CFAP54: variants seen among roughly 807,000 people sequenced by gnomAD.
The protein encoded by CFAP54 is cilia and flagella associated protein 54.
In CFAP54, 290 loss-of-function variants were observed where a neutral mutation model predicts 370.4. That is an observed-to-expected ratio of 0.78 (90% CI 0.71 to 0.86). The LOEUF (loss-of-function observed/expected upper bound fraction) is 0.86. Ranked by LOEUF, CFAP54 falls within the 40% of genes least tolerant of loss-of-function variation. The probability of loss-of-function intolerance (pLI) is 0.00; values close to 1 mark genes in which losing one functional copy is unlikely to be tolerated. For missense variants in CFAP54, 3,399 were observed against 3,528.7 expected, an observed-to-expected ratio of 0.96 and a Z score of 0.93; for synonymous variants, 1,206 against 1,236.5, an observed-to-expected ratio of 0.98 and a Z score of 0.52.
chr12:96,799,039 C>T (rs1958794415), intron 63 of CFAP54, among the ~76,000 whole-genome samples: 1 of 152,068 alleles, frequency 6.6e-6, no homozygotes, highest in South Asian at 2.1e-4. Flanking sequence ...TATTTATATC[C>T]ATTATCTATA....
At chr12:96,606,398 G>A (rs1221183548) in intron 26 of CFAP54, among the ~76,000 whole-genome samples, 1 of 152,246 alleles carries the variant, frequency 6.6e-6, no homozygotes, top group Non-Finnish European at 1.5e-5. Flanking sequence ...TATAGCCATA[G>A]TCGTGCTTAG....
At chr12:96,631,295 T>C (rs2136476209) in intron 32 of CFAP54, among the ~76,000 whole-genome samples, 1 of 152,034 alleles carries the variant, frequency 6.6e-6, no homozygotes, top group African/African-American at 2.4e-5. Context: ...GTAAAACCTT[T>C]CAAACACAGT....
chr12:96,718,896 G>T (rs1445354165), intron 49 of CFAP54, among the ~76,000 whole-genome samples: 1 of 152,122 alleles, frequency 6.6e-6, no homozygotes, highest in Non-Finnish European at 1.5e-5. Context: ...AAATTAGCTG[G>T]GTGTGATGGC....
chr12:96,791,839 G>A (rs929875602), intron 62 of CFAP54, among the ~76,000 whole-genome samples: 22 of 151,034 alleles, frequency 1.5e-4, no homozygotes, highest in Admixed American at 9.9e-4. Context: ...GGGTTCTGAA[G>A]CATTTTTTTT....
At chr12:96,500,720 A>G in intron 1 of CFAP54, 114 bp from the exon 2 acceptor site, 1 of 605,816 alleles carries the variant, frequency 1.7e-6, no homozygotes, top group Non-Finnish European at 2.8e-6. Context: ...GACATTAACA[A>G]TAAGGCACAT....
chr12:96,644,478 G>C, intron 33 of CFAP54, 70 bp downstream of exon 33: 1 of 1,093,626 alleles, frequency 9.1e-7, no homozygotes, highest in South Asian at 1.5e-5. Context: ...TATGTTCAGA[G>C]CTCCAATGGT....
At chr12:96,643,392 T>C (rs1438536451) in intron 32 of CFAP54, among the ~76,000 whole-genome samples, 2 of 1,360 alleles carry the variant, frequency 1.5e-3, no homozygotes, top group African/African-American at 7.0e-3. Flanking sequence ...TTATTGTATG[T>C]GTGTATGTGT....
intron 64 of CFAP54, among the ~76,000 whole-genome samples, chr12:96,814,890 C>CT (rs779913526): frequency 6.6e-6 from 1 of 152,116 alleles, no homozygotes; most frequent in Non-Finnish European, 1.5e-5. Flanking sequence ...TGAACTCACT[C>CT]TTTTTTTATG....
At chr12:96,754,128 T>C (rs1424381902) in intron 56 of CFAP54, among the ~76,000 whole-genome samples, 3 of 152,208 alleles carry the variant, frequency 2.0e-5, no homozygotes, top group African/African-American at 7.2e-5. Flanking sequence ...TCTTTTATAA[T>C]TGTAATTGAT....
In CFAP54 at chr12:96,639,132, A is replaced by C. The variant is rs551326640; in HGVS notation, c.4317-5046A>C. 2.2e-3 allele frequency among the ~76,000 whole-genome samples: 328 copies of C among 152,306 alleles called. 1 individual carries two copies. Among genetic ancestry groups the C allele is most frequent in the Non-Finnish European group, 3.7e-3 (251 of 68,026 alleles). ...GTCCCAGAGATTCTGGTATCAGTGA[A>C]TCCAGGAGCTGGTTTTTTGAAAAGA... On this transcript the variant is annotated intron_variant, in intron 32 of 67. Coordinates refer to ENST00000524981, the MANE Select transcript of CFAP54 (RefSeq NM_001306084.2).
Position 96,743,779 on chromosome 12 carries a change from CG to C in CFAP54, c.7428del (p.Leu2477Ter). On this transcript the variant is annotated frameshift_variant, in exon 54 of 68. Coordinates refer to ENST00000524981, the MANE Select transcript of CFAP54 (RefSeq NM_001306084.2). LOFTEE classifies it high-confidence loss of function. ...AAATGAATTTATTTCTCCTCAATCA[CG>C]GCTAACCCTGGCAAGAAGCCTAGTT... Reference protein sequence around the residue: ...EGNEFISPQSRLTLARSLVLL... With the variant: ...EGNEFISPQSXLTLARSLVLL... 1 of 1,613,582 alleles carries C rather than the reference CG, an allele frequency of 6.2e-7. No individual in the cohort carries two copies. The highest frequency in any genetic ancestry group is 8.5e-7 in the Non-Finnish European group (1 of 1,179,734).
intron 25 of CFAP54, 89 bp downstream of exon 25, chr12:96,594,535 A>T (rs1956157378): frequency 4.0e-6 from 4 of 1,000,758 alleles, no homozygotes; most frequent in Non-Finnish European, 4.1e-6. Context: ...TGTATCTCTT[A>T]TAAAGGGCAA....
At chr12:96,870,590 C>A (rs574613427) in intron 67 of CFAP54, among the ~76,000 whole-genome samples, 2 of 152,274 alleles carry the variant, frequency 1.3e-5, no homozygotes, top group South Asian at 2.1e-4. Context: ...TAGCTCTTAC[C>A]ATTATTACAT....
intron 12 of CFAP54, among the ~76,000 whole-genome samples, chr12:96,538,037 G>A (rs1444665653): frequency 6.6e-6 from 1 of 152,008 alleles, no homozygotes; most frequent in Admixed American, 6.6e-5. Context: ...GTGAGATTGC[G>A]AGCCGAGATC....
chr12:96,737,736 C>T (rs958834881), intron 50 of CFAP54, among the ~76,000 whole-genome samples: 1 of 152,074 alleles, frequency 6.6e-6, no homozygotes, highest in Admixed American at 6.6e-5. Context: ...GATATGCCCG[C>T]CTCGGCCTCC....
intron 49 of CFAP54, among the ~76,000 whole-genome samples, chr12:96,719,550 CAG>C (rs376766273): frequency 1.2e-4 from 19 of 152,330 alleles, no homozygotes; most frequent in African/African-American, 4.6e-4. Flanking sequence ...ACATTATTCA[CAG>C]ATTCTGTGTT....
At chr12:96,724,658 G>A (rs1957807178) in intron 50 of CFAP54, among the ~76,000 whole-genome samples, 1 of 152,042 alleles carries the variant, frequency 6.6e-6, no homozygotes, top group South Asian at 2.1e-4. Context: ...TTCTTTTGCT[G>A]TGCAGAAGCT....
chr12:96,860,713 C>A, intron 66 of CFAP54, 106 bp from the exon 67 acceptor site: 1 of 1,155,896 alleles, frequency 8.7e-7, no homozygotes, highest in Non-Finnish European at 1.2e-6. Context: ...CACAAGTTAG[C>A]TATCTTTCAT....
chr12:96,587,975 G>A (rs748745188), intron 22 of CFAP54, among the ~76,000 whole-genome samples: 2 of 152,108 alleles, frequency 1.3e-5, no homozygotes, highest in Non-Finnish European at 2.9e-5. Flanking sequence ...CACAAATAGG[G>A]ATGGCAACAG....
Sources: gnomAD v4.1 joint callset for allele counts (sites outside exome capture counted in the v4.1 genomes callset) on GRCh38, gnomAD v4.1.1 for gene constraint, MANE v1.5 for transcripts, NCBI Gene and HGNC (gene_info 2026-07-23, HGNC 2026-07-21) for gene names.